Variants in TAFA4 observed in about 807,000 individuals in gnomAD.
TAFA4 encodes the protein chemokine-like protein TAFA-4.
A neutral mutation model predicts 21.1 loss-of-function variants in TAFA4; 20 were observed. The observed-to-expected ratio is 0.95, with a 90% CI of 0.67 to 1.38. TAFA4 has a LOEUF of 1.38. Ranked by LOEUF, TAFA4 falls within the 40% of genes most tolerant of loss-of-function variation. The pLI, the probability that TAFA4 is intolerant of heterozygous loss-of-function variation, is 0.00. For missense variants in TAFA4, 211 were observed against 180.9 expected (o/e 1.17, Z -0.95); for synonymous variants, 71 against 67.4 (o/e 1.05, Z -0.26).
intron 4 of TAFA4, among the ~76,000 whole-genome samples, chr3:68,745,827 ATTTAG>A (rs1034631992): frequency 1.5e-4 from 23 of 152,202 alleles, no homozygotes; most frequent in African/African-American, 4.3e-4. Flanking sequence ...TTACTTGCTG[ATTTAG>A]TTTAGCTGTA....
intron 3 of TAFA4, among the ~76,000 whole-genome samples, chr3:68,795,855 G>T (rs1324236930): frequency 6.6e-6 from 1 of 152,094 alleles, no homozygotes; most frequent in African/African-American, 2.4e-5. Context: ...CCTCTTTTGG[G>T]AAGACATTCC....
chr3:68,876,635 A>C (rs540321344), intron 3 of TAFA4, among the ~76,000 whole-genome samples: 266 of 152,336 alleles, frequency 1.7e-3, no homozygotes, highest in African/African-American at 6.0e-3. Flanking sequence ...TCAAACTTGG[A>C]TGCAACAACT....
chr3:68,736,732 C>T (rs940985274), intron 5 of TAFA4, among the ~76,000 whole-genome samples: 4 of 152,072 alleles, frequency 2.6e-5, no homozygotes, highest in Non-Finnish European at 5.9e-5. Flanking sequence ...AAGCTAGTCA[C>T]AGATCCACAA....
At chr3:68,824,379 C>A (rs1376399152) in intron 3 of TAFA4, among the ~76,000 whole-genome samples, 2 of 152,170 alleles carry the variant, frequency 1.3e-5, no homozygotes, top group Non-Finnish European at 2.9e-5. Context: ...AAACAGGCTG[C>A]CCATGTTGCT....
intron 3 of TAFA4, among the ~76,000 whole-genome samples, chr3:68,820,171 A>C (rs961127175): frequency 2.6e-5 from 4 of 152,224 alleles, no homozygotes; most frequent in Non-Finnish European, 5.9e-5. Flanking sequence ...TGTTAAGTGA[A>C]GTAAGTCAGG....
At position 68,732,252 on chromosome 3, in the gene TAFA4, T is replaced by TGAAA. The variant is rs1275738281; in HGVS notation, c.*886_*889dup. On this transcript the variant is annotated 3_prime_UTR_variant, in exon 6 of 6. Coordinates refer to ENST00000295569, the MANE Select transcript of TAFA4 (RefSeq NM_182522.5). ...CATTTACAGTCTAAAAATTCAGCAC[T>TGAAA]GAAAGACTCCTGTCTCGGAGTTAAA... 2 of 152,516 alleles carry TGAAA rather than the reference T, an allele frequency of 1.3e-5. No homozygotes were observed. The highest frequency in any genetic ancestry group is 2.9e-5 in the Non-Finnish European group (2 of 68,006). 9.4% of individuals were successfully genotyped at this position (152,516 alleles called of 1,614,324 possible). A position where few individuals can be genotyped will look rare whatever the true frequency, so the allele number is the denominator to read the frequency against.
intron 1 of TAFA4, among the ~76,000 whole-genome samples, chr3:68,897,027 C>A (rs150478231): frequency 6.6e-6 from 1 of 152,064 alleles, no homozygotes; most frequent in Non-Finnish European, 1.5e-5. Flanking sequence ...CTCAGCCTCC[C>A]GAGTAGCTGG....
intron 5 of TAFA4, among the ~76,000 whole-genome samples, chr3:68,733,991 G>T (rs1326082103): frequency 6.6e-6 from 1 of 151,750 alleles, no homozygotes. Context: ...TCTAGTGCAG[G>T]GACTGGAAAA....
intron 1 of TAFA4, among the ~76,000 whole-genome samples, chr3:68,929,812 G>A (rs187453052): frequency 1.6e-4 from 25 of 152,292 alleles, no homozygotes; most frequent in Admixed American, 8.5e-4. Context: ...GGCAGCTAAC[G>A]GAGAGTTAGT....
intron 1 of TAFA4, among the ~76,000 whole-genome samples, chr3:68,902,994 C>T (rs922803803): frequency 9.4e-5 from 13 of 137,780 alleles, no homozygotes; most frequent in South Asian, 2.4e-4. Flanking sequence ...CTATAATAGA[C>T]GAAAGGAACT....
chr3:68,735,553 CTG>C (rs931401998), intron 5 of TAFA4, among the ~76,000 whole-genome samples: 3 of 152,076 alleles, frequency 2.0e-5, no homozygotes, highest in African/African-American at 4.8e-5. Context: ...GAGTTCAAAA[CTG>C]TGTTTTTTAC....
chr3:68,827,526 T>C (rs1419629858), intron 3 of TAFA4, among the ~76,000 whole-genome samples: 4 of 152,190 alleles, frequency 2.6e-5, no homozygotes, highest in Admixed American at 2.0e-4. Flanking sequence ...TTCCTATTTC[T>C]CCACATCCTC....
chr3:68,752,046 T>C (rs188506577), intron 4 of TAFA4, among the ~76,000 whole-genome samples: 68 of 152,316 alleles, frequency 4.5e-4, no homozygotes, highest in Non-Finnish European at 1.5e-5. Context: ...GGGATGCAGG[T>C]AAATCAGCCG....
chr3:68,784,274 A>C (rs1703207880), intron 3 of TAFA4, among the ~76,000 whole-genome samples: 1 of 152,234 alleles, frequency 6.6e-6, no homozygotes, highest in South Asian at 2.1e-4. Context: ...ATAAAATACT[A>C]GTGTGTCCGG....
At chr3:68,798,033 ATATAGG>A (rs1200390194) in intron 3 of TAFA4, among the ~76,000 whole-genome samples, 1 of 152,246 alleles carries the variant, frequency 6.6e-6, no homozygotes, top group African/African-American at 2.4e-5. Context: ...AAAGAATATA[ATATAGG>A]TATATCTTCA....
chr3:68,779,592 T>C (rs995288019), intron 3 of TAFA4, among the ~76,000 whole-genome samples: 9 of 152,174 alleles, frequency 5.9e-5, no homozygotes, highest in African/African-American at 2.2e-4. Flanking sequence ...GGCTGTTGCT[T>C]CAGAGGGTTG....
At chr3:68,854,020 A>ATATAATTATT (rs1559543943) in intron 3 of TAFA4, among the ~76,000 whole-genome samples, 2 of 152,184 alleles carry the variant, frequency 1.3e-5, no homozygotes, top group Admixed American at 1.3e-4. Context: ...ATAAATGAAA[A>ATATAATTATT]TATAATTATT....
chr3:68,926,522 C>A lies in TAFA4; in HGVS notation c.-123+5718G>T, dbSNP rs183532867. ...GTTCCCCGACAGAAATAAAGAGCTG[C>A]GGACATTGGATAAGACACTTTTCAC... On this transcript the variant is annotated intron_variant, in intron 1 of 5. Coordinates refer to ENST00000295569, the MANE Select transcript of TAFA4 (RefSeq NM_182522.5). Among the ~76,000 whole-genome samples, 69 of 152,228 alleles carry A rather than the reference C, an allele frequency of 4.5e-4. No individual in the cohort carries two copies. In the East Asian group the frequency reaches 0.012, roughly 27 times the overall value.
chr3:68,870,581 T>A (rs978870667), intron 3 of TAFA4, among the ~76,000 whole-genome samples: 1 of 152,094 alleles, frequency 6.6e-6, no homozygotes, highest in East Asian at 1.9e-4. Flanking sequence ...TTTTAATTTT[T>A]ATTTTACTTT....
Sources: allele counts gnomAD v4.1 joint callset (sites outside exome capture counted in the v4.1 genomes callset), GRCh38; gene constraint gnomAD v4.1.1; transcripts MANE v1.5; gene names NCBI Gene and HGNC (gene_info 2026-07-23, HGNC 2026-07-21).